Variants in SMIM7 observed in about 807,000 individuals in gnomAD.
SMIM7 encodes the protein UPF0608 protein C19orf42.
A neutral mutation model predicts 13.3 loss-of-function variants in SMIM7; 12 were observed. The ratio of observed to expected loss-of-function variants is 0.90; its 90% CI spans 0.58 to 1.46. The LOEUF (loss-of-function observed/expected upper bound fraction) is 1.46. Among genes scored for constraint, SMIM7 ranks in the 40% most tolerant of loss-of-function variants. SMIM7 has a pLI of 0.00. For missense variants in SMIM7, 114 were observed against 94.8 expected (o/e 1.20, Z -0.84); for synonymous variants, 36 against 35.8 (o/e 1.01, Z -0.02).
intron 4 of SMIM7, among the ~76,000 whole-genome samples, chr19:16,651,130 T>C (rs945049954): frequency 6.6e-6 from 1 of 152,212 alleles, no homozygotes; most frequent in Non-Finnish European, 1.5e-5. Flanking sequence ...AGCCAGTCAC[T>C]ACCTCCCTGA....
exon 5 of SMIM7, chr19:16,631,373 G>T (rs534234225): frequency 5.3e-5 from 8 of 151,976 alleles, no homozygotes; most frequent in African/African-American, 1.9e-4. Context: ...GTGACAGAGC[G>T]AGACTCCATC....
chr19:16,638,301 C>CTTTTTTTTTTT (rs375558591), intron 4 of SMIM7, among the ~76,000 whole-genome samples: 2 of 122,778 alleles, frequency 1.6e-5, no homozygotes, highest in Non-Finnish European at 3.4e-5. Context: ...TTTCTTTTTT[C>CTTTTTTTTTTT]TTTTTTTTTT....
At chr19:16,647,797 C>T (rs929841793) in intron 4 of SMIM7, among the ~76,000 whole-genome samples, 2 of 152,054 alleles carry the variant, frequency 1.3e-5, no homozygotes, top group Non-Finnish European at 2.9e-5. Flanking sequence ...AGCTGTTAAA[C>T]AAAAGATATA....
intron 3 of SMIM7, among the ~76,000 whole-genome samples, chr19:16,656,311 C>G (rs2086596899): frequency 6.6e-6 from 1 of 152,000 alleles, no homozygotes; most frequent in Non-Finnish European, 1.5e-5. Context: ...TCACTTGAAC[C>G]CAGGAGGTGG....
intron 3 of SMIM7, among the ~76,000 whole-genome samples, chr19:16,657,138 C>T (rs929195064): frequency 5.9e-5 from 9 of 152,126 alleles, no homozygotes; most frequent in Non-Finnish European, 1.0e-4. Context: ...GCACGCATGA[C>T]GCTCTCAACA....
At position 16,647,215 on chromosome 19, in the gene SMIM7, G is replaced by C. The variant is rs755610372; in HGVS notation, c.*31C>G. ...GAGGAATGGAGACTCGGCATCCCGG[G>C]AAAGTGAGTTCCTGGTTTCATCGCT... On this transcript the variant is annotated 3_prime_UTR_variant, in exon 5 of 5. Coordinates refer to ENST00000487416, the MANE Select transcript of SMIM7 (RefSeq NM_024104.4). The C allele has an allele frequency of 5.6e-6, 9 of 1,613,824 alleles. No homozygotes were observed. The Admixed American group carries it at 1.5e-4, about 27-fold the overall frequency.
rs10417953 is a variant in SMIM7 at position 16,652,126 on chromosome 19, C to T, written c.212+1909G>A. Among the ~76,000 whole-genome samples, 920 of 152,354 alleles carry T rather than the reference C, an allele frequency of 6.0e-3. 12 individuals are homozygous for T. The highest frequency in any genetic ancestry group is 0.021 in the African/African-American group (874 of 41,580). Reference sequence around the variant, plus strand: ...TCTTCCCTGCCCCAGGACCTTTGCACATGCCACTTCCTGTGCCACCATGCT... The same window carrying T: ...TCTTCCCTGCCCCAGGACCTTTGCATATGCCACTTCCTGTGCCACCATGCT... On this transcript the variant is annotated intron_variant, in intron 4 of 4. Coordinates refer to ENST00000487416, the MANE Select transcript of SMIM7 (RefSeq NM_024104.4).
chr19:16,652,918 C>T (rs970767396), intron 4 of SMIM7: 2 of 1,550,466 alleles, frequency 1.3e-6, no homozygotes, highest in Admixed American at 2.0e-5. Context: ...AGAGTTATGG[C>T]CCCAGTGCTA....
chr19:16,634,111 A>G (rs1231891100), intron 4 of SMIM7: 1 of 152,202 alleles, frequency 6.6e-6, no homozygotes, highest in Non-Finnish European at 1.5e-5. Flanking sequence ...TGGCTTTTCT[A>G]TTAGGCAGAC....
At position 16,647,120 on chromosome 19, in the gene SMIM7, C is replaced by T; in HGVS notation, c.*126G>A. On this transcript the variant is annotated 3_prime_UTR_variant, in exon 5 of 5. Coordinates refer to ENST00000487416, the MANE Select transcript of SMIM7 (RefSeq NM_024104.4). ...CCTCGGCGAACACTTTTCCACCCAC[C>T]ACGAGCTTGGACTTTCTGGGAAGGT... 7.8e-7 allele frequency: 1 copy of T among 1,276,920 alleles called. No homozygotes were observed. The highest frequency in any genetic ancestry group is 1.1e-6 in the Non-Finnish European group (1 of 886,460). The allele number at this position is 1,276,920 out of a possible 1,614,324, so 79.1% of individuals were successfully genotyped here. A position where few individuals can be genotyped will look rare whatever the true frequency, so the allele number is the denominator to read the frequency against.
At position 16,660,075 on chromosome 19, in the gene SMIM7, C is replaced by T; in HGVS notation, c.26+10G>A. 2.5e-6 allele frequency: 4 copies of T among 1,614,240 alleles called. No individual in the cohort carries two copies. Among genetic ancestry groups the T allele is most frequent in the South Asian group, 1.1e-5 (1 of 91,086 alleles). ...GCTCTCTCTTCCCAGCCTCTGGTCCCCCTAATTACCCGAACAGCAGGATGT... is the reference window on the plus strand; with the variant it reads ...GCTCTCTCTTCCCAGCCTCTGGTCCTCCTAATTACCCGAACAGCAGGATGT... On this transcript the variant is annotated intron_variant, in intron 1 of 4. Coordinates refer to ENST00000487416, the MANE Select transcript of SMIM7 (RefSeq NM_024104.4).
intron 3 of SMIM7, among the ~76,000 whole-genome samples, chr19:16,655,937 A>G (rs1599376255): frequency 6.6e-6 from 1 of 152,208 alleles, no homozygotes; most frequent in Admixed American, 6.5e-5. Flanking sequence ...CGTGCAGCAC[A>G]ACCTGTATAC....
intron 4 of SMIM7, among the ~76,000 whole-genome samples, chr19:16,651,149 T>G (rs1182206442): frequency 2.0e-5 from 3 of 152,196 alleles, no homozygotes; most frequent in African/African-American, 7.2e-5. Context: ...GAGAGGGCCC[T>G]TTCTTGAGAG....
downstream of SMIM7, among the ~76,000 whole-genome samples, chr19:16,642,881 C>T (rs1018518530): frequency 6.1e-5 from 9 of 148,282 alleles, no homozygotes; most frequent in Admixed American, 1.4e-4. Flanking sequence ...TGCAGTGCAG[C>T]GGCGCGATCA....
In SMIM7 at chr19:16,659,451, C is replaced by T; in HGVS notation, c.69-4G>A. ...GCCCTGCGTGTCCTTCTTTTTCCTA[C>T]AAAGAGGAGCAGACAGTGTCCACTT... On this transcript the variant is annotated splice_region_variant and splice_polypyrimidine_tract_variant and intron_variant, in intron 2 of 4. Transcript: ENST00000487416. The T allele has an allele frequency of 6.2e-7, 1 of 1,612,504 alleles. No individual in the cohort carries two copies. The highest frequency in any genetic ancestry group is 8.5e-7 in the Non-Finnish European group (1 of 1,179,436).
rs554289055 is a variant in SMIM7 at position 16,656,478 on chromosome 19, T to C, written c.122-2353A>G. The stretch of plus-strand genomic sequence containing the variant: ...CGGTGGCTCTGCCCCAACAAGCATA[T>C]GGGGAGGAGAAATACTAAACAAATA... On this transcript the variant is annotated intron_variant, in intron 3 of 4. Transcript: ENST00000487416. Among the ~76,000 whole-genome samples the C allele has an allele frequency of 5.5e-4, 84 of 151,960 alleles. 1 individual carries two copies. Among genetic ancestry groups the C allele is most frequent in the Admixed American group, 1.2e-3 (19 of 15,258 alleles).
At chr19:16,645,237 T>C (rs2086437789), downstream of SMIM7, 1 of 151,798 alleles carries the variant, frequency 6.6e-6, no homozygotes, top group Admixed American at 6.6e-5. Flanking sequence ...AAAAGAGGAC[T>C]ATTGAAACAA....
intron 4 of SMIM7, 70 bp downstream of exon 4, chr19:16,653,965 C>T (rs942229626): frequency 2.3e-5 from 27 of 1,184,944 alleles, no homozygotes; most frequent in Middle Eastern, 1.9e-4. Flanking sequence ...AGAGAATGAC[C>T]ATCAGGTGGG....
chr19:16,652,170 T>C (rs1405302399), intron 4 of SMIM7, among the ~76,000 whole-genome samples: 1 of 152,238 alleles, frequency 6.6e-6, no homozygotes, highest in Non-Finnish European at 1.5e-5. Context: ...GCTCTGCAAA[T>C]GGCAAACGTC....
Sources: allele counts gnomAD v4.1 joint callset (sites outside exome capture counted in the v4.1 genomes callset), GRCh38; gene constraint gnomAD v4.1.1; transcripts MANE v1.5; gene names NCBI Gene and HGNC (gene_info 2026-07-23, HGNC 2026-07-21).